The following DLG2 variants were observed in gnomAD, a reference collection of about 807,000 sequenced individuals.
DLG2 encodes the protein disks large homolog 2.
In DLG2, 45 loss-of-function variants were observed where a neutral mutation model predicts 132.5. That is an observed-to-expected ratio of 0.34 (90% confidence interval 0.27 to 0.44). The LOEUF (loss-of-function observed/expected upper bound fraction) is 0.44, where lower values mean the gene tolerates loss of function less well. DLG2 is among the 20% of genes least tolerant of loss of function. The probability of loss-of-function intolerance (pLI) is 1.00; values close to 1 mark genes in which losing one functional copy is unlikely to be tolerated. For missense variants in DLG2, 1,045 were observed against 1,196.9 expected, an observed-to-expected ratio of 0.87 and a Z score of 1.87; for synonymous variants, 424 against 419.6, an observed-to-expected ratio of 1.01 and a Z score of -0.13.
intron 6 of DLG2, among the ~76,000 whole-genome samples, chr11:84,670,002 C>T (rs746076354): frequency 6.6e-6 from 1 of 152,118 alleles, no homozygotes; most frequent in African/African-American, 2.4e-5. Flanking sequence ...TAGAAAGAAC[C>T]AGAAGAAGTT....
chr11:83,860,172 T>C (rs781752755), intron 16 of DLG2, among the ~76,000 whole-genome samples: 1 of 152,214 alleles, frequency 6.6e-6, no homozygotes, highest in Non-Finnish European at 1.5e-5. Context: ...ACAGAGTCCA[T>C]ACTGGGGCAC....
chr11:83,764,140 T>A (rs542653151), intron 18 of DLG2, among the ~76,000 whole-genome samples: 1 of 152,302 alleles, frequency 6.6e-6, no homozygotes, highest in East Asian at 1.9e-4. Context: ...TACCAGCTTA[T>A]GTAAAATCAC....
intron 3 of DLG2, among the ~76,000 whole-genome samples, chr11:85,421,389 C>A (rs58649506): frequency 0.03 from 4,529 of 151,620 alleles, 112 homozygotes; most frequent in East Asian, 0.096. Context: ...TGTTCCTATT[C>A]GGCCATCTTA....
intron 18 of DLG2, among the ~76,000 whole-genome samples, chr11:83,750,714 TAA>T (rs1233185579): frequency 6.6e-6 from 1 of 152,162 alleles, no homozygotes. Context: ...CCAAAAAAGT[TAA>T]ATTTCCAACA....
chr11:84,824,722 C>A (rs770143468), intron 6 of DLG2, among the ~76,000 whole-genome samples: 2 of 151,788 alleles, frequency 1.3e-5, no homozygotes, highest in Non-Finnish European at 2.9e-5. Context: ...TGCCACTGGC[C>A]ATGTTGTGAA....
Position 84,893,865 on chromosome 11 carries a change from A to T in DLG2, c.357+217796T>A, listed in dbSNP as rs182507028. Among the ~76,000 whole-genome samples the T allele has an allele frequency of 1.1e-4, 17 of 152,324 alleles. No homozygotes were observed. The East Asian group carries it at 3.3e-3, about 29-fold the overall frequency. The stretch of plus-strand genomic sequence containing the variant: ...TTACAGGAAATTGTTAGCTTACAGC[A>T]CTGTACAGGCACATTTGGGCAGTAC... On this transcript the variant is annotated intron_variant, in intron 6 of 27. Transcript: ENST00000376104.
At chr11:85,434,988 T>C (rs1246180618) in intron 3 of DLG2, among the ~76,000 whole-genome samples, 1 of 152,206 alleles carries the variant, frequency 6.6e-6, no homozygotes, top group Non-Finnish European at 1.5e-5. Context: ...CAAGTCGGCT[T>C]CATCCCTGGG....
At chr11:84,377,555 G>C (rs2098734189) in intron 7 of DLG2, among the ~76,000 whole-genome samples, 1 of 151,814 alleles carries the variant, frequency 6.6e-6, no homozygotes, top group Non-Finnish European at 1.5e-5. Flanking sequence ...ATAAAATGTA[G>C]TAATTGATAT....
At position 84,059,382 on chromosome 11, in the gene DLG2, C is replaced by A. The variant is rs746723326; in HGVS notation, c.852G>T (p.Leu284=). Residue 284 remains leucine (L), a synonymous_variant, in exon 11 of 28, where the codon CTG becomes CTT. Transcript: ENST00000376104. ...ALKEAGSIVR[L]YVRRRRPILE... ...AAATAGGTCGTCTTCTACGCACATA[C>A]AGCCGAACGATAGACCCTGCTTCCT... The A allele has an allele frequency of 1.9e-6, 3 of 1,613,610 alleles. No homozygotes were observed. The South Asian group carries it at 3.3e-5, about 18-fold the overall frequency.
chr11:84,816,759 C>G (rs2153978246), intron 6 of DLG2, among the ~76,000 whole-genome samples: 1 of 152,038 alleles, frequency 6.6e-6, no homozygotes. Flanking sequence ...ATATCCCCAA[C>G]CATTACAGTC....
At chr11:85,508,166 C>A (rs917072674) in intron 3 of DLG2, among the ~76,000 whole-genome samples, 1 of 152,112 alleles carries the variant, frequency 6.6e-6, no homozygotes, top group Non-Finnish European at 1.5e-5. Context: ...TCCTTTAGCT[C>A]GGAGAAGTTT....
At chr11:84,981,544 G>C (rs968369147) in intron 6 of DLG2, among the ~76,000 whole-genome samples, 1 of 152,126 alleles carries the variant, frequency 6.6e-6, no homozygotes, top group East Asian at 1.9e-4. Context: ...CATTTCCCAA[G>C]TTATGTGGGA....
intron 6 of DLG2, among the ~76,000 whole-genome samples, chr11:85,078,647 CAGGGA>C (rs1219668466): frequency 6.6e-6 from 1 of 151,846 alleles, no homozygotes; most frequent in Admixed American, 6.6e-5. Context: ...AGCTAAAAAG[CAGGGA>C]AGACATTTTG....
At chr11:85,110,086 T>C (rs530603613) in intron 6 of DLG2, among the ~76,000 whole-genome samples, 6 of 152,150 alleles carry the variant, frequency 3.9e-5, no homozygotes, top group African/African-American at 1.4e-4. Context: ...GCACATTGTC[T>C]CCATGGAGAA....
At chr11:83,724,057 TTAAC>T (rs1297508837) in intron 18 of DLG2, among the ~76,000 whole-genome samples, 3 of 152,198 alleles carry the variant, frequency 2.0e-5, no homozygotes, top group Non-Finnish European at 4.4e-5. Flanking sequence ...TTCCAGTTAC[TTAAC>T]TATGTGGCCC....
At chr11:85,322,243 C>T (rs181048461) in intron 3 of DLG2, among the ~76,000 whole-genome samples, 4 of 152,170 alleles carry the variant, frequency 2.6e-5, no homozygotes, top group Non-Finnish European at 4.4e-5. Context: ...AGCCCCTTTC[C>T]GTGTAAATTT....
At chr11:84,442,163 A>G (rs916692490) in intron 7 of DLG2, among the ~76,000 whole-genome samples, 2 of 152,158 alleles carry the variant, frequency 1.3e-5, no homozygotes, top group African/African-American at 4.8e-5. Flanking sequence ...AAGAAAGTCA[A>G]TGATAGCTTG....
chr11:84,784,925 A>G (rs2072599284), intron 6 of DLG2, among the ~76,000 whole-genome samples: 1 of 152,144 alleles, frequency 6.6e-6, no homozygotes, highest in Non-Finnish European at 1.5e-5. Flanking sequence ...ATTTTTGAAA[A>G]AAGCCAAGAG....
intron 18 of DLG2, among the ~76,000 whole-genome samples, chr11:83,741,892 G>A (rs1470604256): frequency 6.6e-6 from 1 of 151,814 alleles, no homozygotes; most frequent in Non-Finnish European, 1.5e-5. Context: ...GTGGGTGCCT[G>A]TAGTTCCAGC....
Sources: allele counts gnomAD v4.1 joint callset (sites outside exome capture counted in the v4.1 genomes callset), GRCh38; gene constraint gnomAD v4.1.1; transcripts MANE v1.5; gene names NCBI Gene and HGNC (gene_info 2026-07-23, HGNC 2026-07-21).